The following ZNF44 variants were observed in gnomAD, a reference collection of about 807,000 sequenced individuals.
The protein encoded by ZNF44 is zinc finger protein 44.
Under a neutral mutation model 11.7 loss-of-function variants are expected in ZNF44, and 9 were observed. That is an observed-to-expected ratio of 0.77 (90% CI 0.46 to 1.35). ZNF44 has a LOEUF of 1.35. Ranked by LOEUF, ZNF44 falls within the 40% of genes most tolerant of loss-of-function variation. The pLI, the probability that ZNF44 is intolerant of heterozygous loss-of-function variation, is 0.00. For missense variants in ZNF44, 696 were observed against 743.1 expected, an observed-to-expected ratio of 0.94 and a Z score of 0.74; for synonymous variants, 224 against 242.7, an observed-to-expected ratio of 0.92 and a Z score of 0.72.
chr19:12,255,414 G>T (rs544492936), intron 5 of ZNF44, among the ~76,000 whole-genome samples: 43 of 152,118 alleles, frequency 2.8e-4, no homozygotes, highest in African/African-American at 1.0e-3. Context: ...AAACAAAGAG[G>T]ACAGAAATTA....
rs1398415295 is a variant in ZNF44, at chr19:12,275,955, C to T, written c.130+1G>A. 1 of 1,600,284 alleles carries T rather than the reference C, an allele frequency of 6.2e-7. No homozygotes were observed. Among genetic ancestry groups the T allele is most frequent in the Non-Finnish European group, 8.5e-7 (1 of 1,171,102 alleles). On this transcript the variant is annotated splice_donor_variant, in intron 2 of 3. Coordinates refer to ENST00000355684, the MANE Select transcript of ZNF44 (RefSeq NM_016264.4). LOFTEE classifies it high-confidence loss of function. ...AAATGAAGACATGATGTCATCCATA[C>T]CTATACAGTTCAGGTTCCTAATGGT...
intron 1 of ZNF44, among the ~76,000 whole-genome samples, chr19:12,280,893 G>A (rs560788396): frequency 1.3e-5 from 2 of 152,144 alleles, no homozygotes; most frequent in African/African-American, 2.4e-5. Flanking sequence ...AATCCTACAC[G>A]ACATAATAAT....
chr19:12,265,377 T>G (rs1917689209), intron 5 of ZNF44, among the ~76,000 whole-genome samples: 1 of 151,116 alleles, frequency 6.6e-6, no homozygotes, highest in South Asian at 2.1e-4. Flanking sequence ...AGGGAGACAC[T>G]GTCTCAAACA....
chr19:12,247,523 A>G (rs762410499), downstream of ZNF44: 2 of 1,350,918 alleles, frequency 1.5e-6, no homozygotes, highest in South Asian at 1.2e-5. Flanking sequence ...GTTTACATTC[A>G]TAAGGTTTCT....
chr19:12,248,738 T>G, intron 7 of ZNF44: 1 of 995,196 alleles, frequency 1.0e-6, no homozygotes, highest in Non-Finnish European at 1.3e-6. Flanking sequence ...CTTTATTAAC[T>G]GATACTAGAA....
chr19:12,278,697 A>G (rs1354693612), intron 1 of ZNF44, among the ~76,000 whole-genome samples: 1 of 151,936 alleles, frequency 6.6e-6, no homozygotes, highest in Admixed American at 6.6e-5. Context: ...ACTGCACTCA[A>G]GTCTGAGTGA....
intron 6 of ZNF44, chr19:12,250,194 GTA>G (rs1239300444): frequency 3.8e-6 from 5 of 1,307,160 alleles, no homozygotes; most frequent in Non-Finnish European, 5.0e-6. Context: ...CAAGAAAAAG[GTA>G]TTCTCTAATT....
chr19:12,254,451 A>G (rs1357879487), intron 5 of ZNF44, among the ~76,000 whole-genome samples: 1 of 152,166 alleles, frequency 6.6e-6, no homozygotes, highest in East Asian at 1.9e-4. Flanking sequence ...AATGAATGAA[A>G]GGCTGGGCCT....
downstream of ZNF44, among the ~76,000 whole-genome samples, chr19:12,270,787 A>T (rs533767744): frequency 6.6e-6 from 1 of 152,206 alleles, no homozygotes; most frequent in South Asian, 2.1e-4. Context: ...TGTTGCCTTG[A>T]TTCTAACCCT....
chr19:12,252,116 G>T (rs188575016), intron 5 of ZNF44, among the ~76,000 whole-genome samples: 36 of 151,062 alleles, frequency 2.4e-4, no homozygotes, highest in African/African-American at 8.7e-4. Context: ...ATGATATGAT[G>T]AATTTTCACA....
At chr19:12,275,170 C>T in intron 2 of ZNF44, 137 bp from the exon 3 acceptor site, 1 of 539,332 alleles carries the variant, frequency 1.9e-6, no homozygotes, top group Non-Finnish European at 3.1e-6. Flanking sequence ...CAGGTTTGAA[C>T]TGCACAAGTC....
intron 1 of ZNF44, chr19:12,284,471 C>G (rs1568454668): frequency 1.5e-6 from 1 of 650,772 alleles, no homozygotes; most frequent in Non-Finnish European, 2.8e-6. Flanking sequence ...GAGGCAAGGC[C>G]GAGGATAAGA....
In ZNF44 at chr19:12,294,868, C is replaced by G; in HGVS notation, c.-174G>C. On this transcript the variant is annotated 5_prime_UTR_variant, in exon 1 of 4. Coordinates refer to ENST00000355684, the MANE Select transcript of ZNF44 (RefSeq NM_016264.4). ...TGGAACGTCACACCCTCCTCTCTGC[C>G]TCGCGCCTGATTGACAATTCTCAGG... 3 of 702,446 alleles carry G rather than the reference C, an allele frequency of 4.3e-6. No individual in the cohort carries two copies. The South Asian group carries it at 6.5e-5, about 15-fold the overall frequency. The allele number at this position is 702,446 out of a possible 1,614,324, so 43.5% of individuals were successfully genotyped here.
At chr19:12,235,707 T>G (rs1386517276) in intron 1 of ZNF44, among the ~76,000 whole-genome samples, 1 of 152,126 alleles carries the variant, frequency 6.6e-6, no homozygotes, top group African/African-American at 2.4e-5. Flanking sequence ...ATCCCAGCAC[T>G]TTGAGAGGCT....
At chr19:12,278,475 G>A (rs184937320) in intron 1 of ZNF44, among the ~76,000 whole-genome samples, 587 of 152,224 alleles carry the variant, frequency 3.9e-3, no homozygotes, top group Non-Finnish European at 6.0e-3. Context: ...GGCTCTCCAC[G>A]ACTGAGCTGG....
At chr19:12,248,590 TG>T in exon 8 of ZNF44, 9 of 1,294,510 alleles carry the variant, frequency 7.0e-6, no homozygotes, top group Non-Finnish European at 9.1e-6. Flanking sequence ...GGAGTTTTCT[TG>T]TTCAGACTGA....
chr19:12,227,839 C>T (rs1915985207), intron 3 of ZNF44, among the ~76,000 whole-genome samples: 1 of 152,106 alleles, frequency 6.6e-6, no homozygotes, highest in African/African-American at 2.4e-5. Context: ...GACAATGCTT[C>T]CTGTATGATT....
At chr19:12,251,807 T>G (rs1218727451) in intron 5 of ZNF44, among the ~76,000 whole-genome samples, 1 of 152,010 alleles carries the variant, frequency 6.6e-6, no homozygotes, top group Non-Finnish European at 1.5e-5. Context: ...ATCCCAGCAC[T>G]TTGGGGGGCC....
chr19:12,291,614 C>G (rs545775629), intron 1 of ZNF44, among the ~76,000 whole-genome samples: 2 of 152,036 alleles, frequency 1.3e-5, no homozygotes, highest in African/African-American at 4.8e-5. Context: ...GGAAGGATCT[C>G]TTGAGCCCTG....
Sources: gnomAD v4.1 joint callset for allele counts (sites outside exome capture counted in the v4.1 genomes callset) on GRCh38, gnomAD v4.1.1 for gene constraint, MANE v1.5 for transcripts, NCBI Gene and HGNC (gene_info 2026-07-23, HGNC 2026-07-21) for gene names.